SAMD12: variants seen among roughly 807,000 people sequenced by gnomAD.
SAMD12 encodes sterile alpha motif domain containing 12, also known as sterile alpha motif domain-containing protein 12.
In SAMD12, 9 loss-of-function variants were observed where a neutral mutation model predicts 15.0. The observed-to-expected ratio is 0.60, with a 90% CI of 0.36 to 1.05. The LOEUF is 1.05. Among genes scored for constraint, SAMD12 ranks in the 50% least tolerant of loss-of-function variants. The pLI is 0.01. For synonymous variants in SAMD12, 86 were observed against 90.1 expected (o/e 0.96, Z 0.25); for missense variants, 230 against 234.2 (o/e 0.98, Z 0.12).
In SAMD12 at chr8:118,579,285, G is replaced by A. The variant is rs76745924; in HGVS notation, c.192+1430C>T. 3.6e-3 allele frequency among the ~76,000 whole-genome samples: 547 copies of A among 152,164 alleles called. 5 individuals carry two copies. The highest frequency in any genetic ancestry group is 0.01 in the African/African-American group (434 of 41,536). Reference sequence around the variant, plus strand: ...GAAAGTCTGTTTATCTTCCTAAAGAGGACCCTTAAGGCGTTTTTTCCTGGC... The same window carrying A: ...GAAAGTCTGTTTATCTTCCTAAAGAAGACCCTTAAGGCGTTTTTTCCTGGC... On this transcript the variant is annotated intron_variant, in intron 2 of 3. Transcript: ENST00000314727.
intron 1 of SAMD12, among the ~76,000 whole-genome samples, chr8:118,619,223 G>C (rs1828325645): frequency 6.6e-6 from 1 of 152,054 alleles, no homozygotes; most frequent in African/African-American, 2.4e-5. Flanking sequence ...CAAGACAAAA[G>C]ACTGAAGAGA....
chr8:118,227,323 C>T (rs746310125), intron 4 of SAMD12, among the ~76,000 whole-genome samples: 3 of 151,948 alleles, frequency 2.0e-5, no homozygotes, highest in Admixed American at 6.6e-5. Context: ...GATGAGAACT[C>T]GTGGACATAA....
intron 2 of SAMD12, among the ~76,000 whole-genome samples, chr8:118,473,950 T>G (rs1232452893): frequency 6.6e-6 from 1 of 152,124 alleles, no homozygotes; most frequent in East Asian, 1.9e-4. Context: ...AGCCACTTGA[T>G]AGTAGATTTT....
intron 4 of SAMD12, among the ~76,000 whole-genome samples, chr8:118,257,324 C>T (rs1812970026): frequency 6.6e-6 from 1 of 152,020 alleles, no homozygotes; most frequent in South Asian, 2.1e-4. Flanking sequence ...AACCATTAAC[C>T]CAGCCCATTA....
chr8:118,409,320 T>C lies in SAMD12; in HGVS notation c.323-29620A>G, dbSNP rs974878546. Among the ~76,000 whole-genome samples the C allele has an allele frequency of 5.0e-4, 76 of 152,276 alleles. 1 individual carries two copies. The highest frequency in any genetic ancestry group is 1.8e-3 in the African/African-American group (73 of 41,558). The stretch of plus-strand genomic sequence containing the variant: ...AACTGTGTTTCTACAATTTTCTTTT[T>C]GCTACAGATGGAGCAATTTCATTGT... On this transcript the variant is annotated intron_variant, in intron 3 of 3. Coordinates refer to ENST00000314727, the MANE Select transcript of SAMD12 (RefSeq NM_207506.3).
intron 4 of SAMD12, among the ~76,000 whole-genome samples, chr8:118,246,868 A>T (rs1812709071): frequency 6.6e-6 from 1 of 152,104 alleles, no homozygotes. Context: ...CAAAGGCAGA[A>T]ACTACGTTCA....
At chr8:118,430,940 A>G (rs913044057) in intron 3 of SAMD12, among the ~76,000 whole-genome samples, 1 of 152,142 alleles carries the variant, frequency 6.6e-6, no homozygotes, top group Non-Finnish European at 1.5e-5. Flanking sequence ...ATACTTTTCT[A>G]TTCATTGCTC....
At chr8:118,266,496 C>T (rs1813202776) in intron 4 of SAMD12, among the ~76,000 whole-genome samples, 1 of 152,070 alleles carries the variant, frequency 6.6e-6, no homozygotes, top group Non-Finnish European at 1.5e-5. Flanking sequence ...GGCATATATT[C>T]AAGGGATATT....
chr8:118,559,007 C>T (rs1178885758), intron 2 of SAMD12, among the ~76,000 whole-genome samples: 1 of 152,070 alleles, frequency 6.6e-6, no homozygotes, highest in East Asian at 1.9e-4. Context: ...TTAGTTGGGT[C>T]CCAATTCAGG....
At chr8:118,583,018 G>C (rs1304924210) in intron 1 of SAMD12, among the ~76,000 whole-genome samples, 19 of 151,974 alleles carry the variant, frequency 1.3e-4, no homozygotes. Flanking sequence ...AAGCAGAAAG[G>C]GCTTGGTTGA....
At chr8:118,465,562 A>G (rs1823569790) in intron 2 of SAMD12, among the ~76,000 whole-genome samples, 1 of 152,168 alleles carries the variant, frequency 6.6e-6, no homozygotes. Context: ...GGACACACAC[A>G]CAGCAAAGGG....
chr8:118,447,366 G>A lies in SAMD12; in HGVS notation c.193-7405C>T, dbSNP rs191470797. On this transcript the variant is annotated intron_variant, in intron 2 of 3. Transcript: ENST00000314727. ...CACCCAGGCTGGAGTGCAATGGCGCGATTTCAGCTCACTGCAACCTCTTCC... is the reference window on the plus strand; with the variant it reads ...CACCCAGGCTGGAGTGCAATGGCGCAATTTCAGCTCACTGCAACCTCTTCC... Among the ~76,000 whole-genome samples the A allele has an allele frequency of 6.6e-4, 100 of 151,212 alleles. No individual in the cohort carries two copies. The East Asian group carries it at 9.0e-3, about 14-fold the overall frequency.
At chr8:118,232,703 C>T (rs999748576) in intron 4 of SAMD12, among the ~76,000 whole-genome samples, 2 of 151,924 alleles carry the variant, frequency 1.3e-5, no homozygotes, top group Non-Finnish European at 2.9e-5. Context: ...GTGTGGTGTG[C>T]TGAGGGTGAG....
intron 2 of SAMD12, among the ~76,000 whole-genome samples, chr8:118,525,695 G>A (rs964589812): frequency 2.6e-5 from 4 of 152,096 alleles, no homozygotes; most frequent in Non-Finnish European, 5.9e-5. Context: ...TTGTCCAATG[G>A]ACAGACAAGC....
chr8:118,230,806 G>A (rs1812295989), intron 4 of SAMD12, among the ~76,000 whole-genome samples: 1 of 152,178 alleles, frequency 6.6e-6, no homozygotes, highest in African/African-American at 2.4e-5. Flanking sequence ...AGCACAGTGA[G>A]CGAGCGGGAG....
exon 5 of SAMD12, chr8:118,194,842 G>A (rs959847833): frequency 2.6e-5 from 4 of 152,176 alleles, no homozygotes; most frequent in African/African-American, 9.7e-5. Flanking sequence ...GCCTGTGAAT[G>A]AAGTCATTCC....
At chr8:118,608,415 G>A (rs985204471) in intron 1 of SAMD12, among the ~76,000 whole-genome samples, 1 of 152,022 alleles carries the variant, frequency 6.6e-6, no homozygotes, top group African/African-American at 2.4e-5. Flanking sequence ...TTGCCTAGCA[G>A]TCATCCTTTT....
At chr8:118,433,775 A>G (rs1433100766) in intron 3 of SAMD12, among the ~76,000 whole-genome samples, 1 of 152,234 alleles carries the variant, frequency 6.6e-6, no homozygotes, top group African/African-American at 2.4e-5. Context: ...ACAAATACAA[A>G]GAGATAGGAA....
In SAMD12 at chr8:118,453,075, T is replaced by C. The variant is rs150354996; in HGVS notation, c.193-13114A>G. Among the ~76,000 whole-genome samples the C allele has an allele frequency of 2.2e-3, 329 of 152,358 alleles. 3 individuals are homozygous for C. Among genetic ancestry groups the C allele is most frequent in the African/African-American group, 7.5e-3 (312 of 41,586 alleles). On this transcript the variant is annotated intron_variant, in intron 2 of 3. Coordinates refer to ENST00000314727, the MANE Select transcript of SAMD12 (RefSeq NM_207506.3). ...ACCTTAAATGATGTATTTAAATCTA[T>C]ATGATTTTCCAAATAAGGTTTTAAA...
Sources: gnomAD v4.1 joint callset for allele counts (sites outside exome capture counted in the v4.1 genomes callset) on GRCh38, gnomAD v4.1.1 for gene constraint, MANE v1.5 for transcripts, NCBI Gene and HGNC (gene_info 2026-07-23, HGNC 2026-07-21) for gene names.